Variants in STK24 observed in about 807,000 individuals in gnomAD.
STK24 encodes serine/threonine-protein kinase 24.
A neutral mutation model predicts 55.6 loss-of-function variants in STK24; 21 were observed. That is an observed-to-expected ratio of 0.38 (90% confidence interval 0.27 to 0.54). The LOEUF (loss-of-function observed/expected upper bound fraction) is 0.54. Ranked by LOEUF, STK24 falls within the 20% of genes least tolerant of loss-of-function variation. The pLI, the probability that STK24 is intolerant of heterozygous loss-of-function variation, is 0.79. For missense variants in STK24, 383 were observed against 538.4 expected, an observed-to-expected ratio of 0.71 and a Z score of 2.86; for synonymous variants, 200 against 215.2, an observed-to-expected ratio of 0.93 and a Z score of 0.62.
At chr13:98,475,547 C>A (rs767484614) in intron 3 of STK24, among the ~76,000 whole-genome samples, 189 bp from the exon 4 acceptor site, 1 of 152,100 alleles carries the variant, frequency 6.6e-6, no homozygotes, top group East Asian at 1.9e-4. Context: ...ACAAAGGGCC[C>A]GAGAAAATGG....
rs1444679801 is a variant in STK24 at position 98,450,819 on chromosome 13, GCCA to G, written c.*2351_*2353del. ...CAGGCCTGGAAGTGGCGACACAAAAGCCAGCTTCCTTGGCTAAGATGCCCTTAA... is the reference window on the plus strand; with the variant it reads ...CAGGCCTGGAAGTGGCGACACAAAAGGCTTCCTTGGCTAAGATGCCCTTAA... On this transcript the variant is annotated 3_prime_UTR_variant, in exon 11 of 11. Transcript: ENST00000539966. 3 of 152,262 alleles carry G rather than the reference GCCA, an allele frequency of 2.0e-5. No homozygotes were observed. The highest frequency in any genetic ancestry group is 2.9e-5 in the Non-Finnish European group (2 of 68,050). 9.4% of individuals were successfully genotyped at this position (152,262 alleles called of 1,614,324 possible).
At chr13:98,565,169 G>A (rs181036196) in intron 1 of STK24, among the ~76,000 whole-genome samples, 148 of 152,184 alleles carry the variant, frequency 9.7e-4, no homozygotes, top group African/African-American at 3.4e-3. Context: ...ATTCTCCAGC[G>A]CAGTGGTTCT....
rs766549230 is a variant in STK24 at position 98,448,971 on chromosome 13, T to TTAAG, written c.*4198_*4201dup. The TTAAG allele has an allele frequency of 6.6e-6, 1 of 152,248 alleles. No individual in the cohort carries two copies. Among genetic ancestry groups the TTAAG allele is most frequent in the East Asian group, 1.9e-4 (1 of 5,194 alleles). The allele number at this position is 152,248 out of a possible 1,614,324, so 9.4% of individuals were successfully genotyped here. A position where few individuals can be genotyped will look rare whatever the true frequency, so the allele number is the denominator to read the frequency against. The stretch of plus-strand genomic sequence containing the variant: ...CTTGGTGCAAGTTGACCAAATCGTT[T>TTAAG]TAAGTGGTAACTCTTTCCAACCGTA... On this transcript the variant is annotated 3_prime_UTR_variant, in exon 11 of 11. Coordinates refer to ENST00000539966, the MANE Select transcript of STK24 (RefSeq NM_001032296.4).
chr13:98,574,424 G>A (rs1215367844), intron 1 of STK24, among the ~76,000 whole-genome samples: 1 of 152,184 alleles, frequency 6.6e-6, no homozygotes, highest in African/African-American at 2.4e-5. Flanking sequence ...GACAACAGTC[G>A]AAAGCAGGTG....
intron 1 of STK24, among the ~76,000 whole-genome samples, chr13:98,522,491 A>C (rs905066948): frequency 6.6e-6 from 1 of 152,226 alleles, no homozygotes; most frequent in African/African-American, 2.4e-5. Flanking sequence ...GGCTGTGTTA[A>C]AGACTCACGT....
chr13:98,475,121 G>GCCAGC, intron 4 of STK24, 129 bp downstream of exon 4: 1 of 1,406,858 alleles, frequency 7.1e-7, no homozygotes, highest in South Asian at 1.4e-5. Context: ...CCCCCTCAAA[G>GCCAGC]CCAGCCCAGC....
At chr13:98,542,820 C>T in intron 1 of STK24, 6 of 985,084 alleles carry the variant, frequency 6.1e-6, no homozygotes, top group Non-Finnish European at 7.2e-6. Flanking sequence ...TCTCCATCTA[C>T]ACGTCCAAGT....
At chr13:98,536,658 C>T (rs1356482349) in intron 1 of STK24, among the ~76,000 whole-genome samples, 1 of 152,100 alleles carries the variant, frequency 6.6e-6, no homozygotes, top group African/African-American at 2.4e-5. Context: ...GCCACCACAC[C>T]TGCCCTTCTC....
intron 2 of STK24, among the ~76,000 whole-genome samples, chr13:98,485,772 C>T (rs181805733): frequency 9.8e-4 from 150 of 152,290 alleles, no homozygotes; most frequent in Non-Finnish European, 1.6e-3. Flanking sequence ...TTTGCGAAGG[C>T]GGTTTCAGGT....
intron 10 of STK24, 84 bp from the exon 11 acceptor site, chr13:98,453,293 T>C: frequency 7.1e-7 from 1 of 1,405,090 alleles, no homozygotes; most frequent in South Asian, 1.3e-5. Context: ...AAAATCTTAG[T>C]TTTCATAAGA....
Position 98,452,864 on chromosome 13 carries a change from GGTTT to G in STK24, c.*305_*308del, listed in dbSNP as rs1006753396. On this transcript the variant is annotated 3_prime_UTR_variant, in exon 11 of 11. Coordinates refer to ENST00000539966, the MANE Select transcript of STK24 (RefSeq NM_001032296.4). ...TCATAATCCCAAATATACATTTCAG[GGTTT>G]GTTTTTGTTTTTAAAGACACTTTCC... 112 of 297,364 alleles carry G rather than the reference GGTTT, an allele frequency of 3.8e-4. No homozygotes were observed. The highest frequency in any genetic ancestry group is 2.2e-3 in the African/African-American group (102 of 46,062). 18.4% of individuals were successfully genotyped at this position (297,364 alleles called of 1,614,324 possible).
At chr13:98,563,021 G>C (rs935261968) in intron 1 of STK24, among the ~76,000 whole-genome samples, 2 of 152,080 alleles carry the variant, frequency 1.3e-5, no homozygotes, top group African/African-American at 4.8e-5. Flanking sequence ...TTGGGGGTTG[G>C]GAAGCTTCTC....
At chr13:98,502,032 C>T (rs1474063264) in intron 2 of STK24, among the ~76,000 whole-genome samples, 1 of 152,144 alleles carries the variant, frequency 6.6e-6, no homozygotes, top group Admixed American at 6.5e-5. Flanking sequence ...CAGCAGAAAA[C>T]TCTAAAAACT....
chr13:98,543,284 A>G (rs748558991), intron 1 of STK24, among the ~76,000 whole-genome samples: 1 of 152,228 alleles, frequency 6.6e-6, no homozygotes, highest in Non-Finnish European at 1.5e-5. Flanking sequence ...AAGTCTGCAT[A>G]CATTTACTTA....
At position 98,447,002 on chromosome 13, in the gene STK24, C is replaced by T. The variant is rs1892887109; in HGVS notation, c.*6171G>A. ...TGTTCTCATGGCAGAAAGTGGGGTC[C>T]CAACTTCCCTGCGCCCTTACCCTGC... On this transcript the variant is annotated 3_prime_UTR_variant, in exon 11 of 11. Coordinates refer to ENST00000539966, the MANE Select transcript of STK24 (RefSeq NM_001032296.4). 6.5e-6 allele frequency: 4 copies of T among 615,924 alleles called. No homozygotes were observed. The Admixed American group carries it at 8.6e-5, about 13-fold the overall frequency. 38.2% of individuals were successfully genotyped at this position (615,924 alleles called of 1,614,324 possible).
intron 2 of STK24, among the ~76,000 whole-genome samples, chr13:98,496,862 T>G (rs1895269586): frequency 6.6e-6 from 1 of 152,178 alleles, no homozygotes; most frequent in South Asian, 2.1e-4. Flanking sequence ...TAAATCAATT[T>G]TGTTTAAAAT....
intron 2 of STK24, among the ~76,000 whole-genome samples, chr13:98,510,503 A>G (rs1426044558): frequency 6.6e-6 from 1 of 152,262 alleles, no homozygotes; most frequent in Admixed American, 6.5e-5. Flanking sequence ...CAGTATTCAC[A>G]ACAGCCAAAA....
In STK24 at chr13:98,450,587, G is replaced by C. The variant is rs1423013308; in HGVS notation, c.*2586C>G. 6.6e-6 allele frequency: 1 copy of C among 152,468 alleles called. No individual in the cohort carries two copies. Among genetic ancestry groups the C allele is most frequent in the Non-Finnish European group, 1.5e-5 (1 of 68,236 alleles). The allele number at this position is 152,468 out of a possible 1,614,324, so 9.4% of individuals were successfully genotyped here. ...AAACGCAGGAGCTACCAGCCACCCA[G>C]TCCACGGCCCTCGTCTCCCAGAGGC... On this transcript the variant is annotated 3_prime_UTR_variant, in exon 11 of 11. Transcript: ENST00000539966.
intron 1 of STK24, among the ~76,000 whole-genome samples, chr13:98,534,187 T>C (rs1896652363): frequency 2.0e-5 from 3 of 152,126 alleles, no homozygotes; most frequent in Admixed American, 6.5e-5. Context: ...CCCCAGGATC[T>C]CTCAGTGGTT....
Sources: gnomAD v4.1 joint callset for allele counts (sites outside exome capture counted in the v4.1 genomes callset) on GRCh38, gnomAD v4.1.1 for gene constraint, MANE v1.5 for transcripts, NCBI Gene and HGNC (gene_info 2026-07-23, HGNC 2026-07-21) for gene names.